The following LDB3 variants were observed in gnomAD, a reference collection of about 807,000 sequenced individuals.
LDB3 encodes the protein LIM domain-binding protein 3.
LDB3 carries 49 observed loss-of-function variants against 69.0 expected under a neutral mutation model. The observed-to-expected ratio is 0.71, with a 90% confidence interval of 0.56 to 0.90. LDB3 has a LOEUF of 0.90. Ranked by LOEUF, LDB3 falls within the 40% of genes least tolerant of loss-of-function variation. The pLI is 0.00. For synonymous variants in LDB3, 387 were observed against 396.2 expected (o/e 0.98, Z 0.28); for missense variants, 928 against 974.1 (o/e 0.95, Z 0.63).
chr10:86,711,912 C>G (rs1228906576), intron 9 of LDB3, among the ~76,000 whole-genome samples: 1 of 151,936 alleles, frequency 6.6e-6, no homozygotes, highest in Non-Finnish European at 1.5e-5. Flanking sequence ...ATCCCCGAGC[C>G]CGCCGAGTGC....
chr10:86,706,784 G>A (rs1230557504), intron 8 of LDB3, 65 bp downstream of exon 8: 1 of 1,519,462 alleles, frequency 6.6e-7, no homozygotes, highest in Admixed American at 2.0e-5. Context: ...CCCACTCTGG[G>A]TCTACCTGTG....
At chr10:86,670,270 A>G (rs1415606824) in intron 2 of LDB3, among the ~76,000 whole-genome samples, 1 of 152,066 alleles carries the variant, frequency 6.6e-6, no homozygotes, top group African/African-American at 2.4e-5. Flanking sequence ...CTGGGCACCC[A>G]CAGCCTTGCA....
intron 12 of LDB3, among the ~76,000 whole-genome samples, chr10:86,721,052 C>T (rs1171056528): frequency 1.3e-5 from 2 of 152,218 alleles, no homozygotes; most frequent in African/African-American, 4.8e-5. Flanking sequence ...TCAAGCAATC[C>T]TCCTGCCTTG....
At chr10:86,675,992 C>T (rs1043058851) in intron 2 of LDB3, among the ~76,000 whole-genome samples, 1 of 152,210 alleles carries the variant, frequency 6.6e-6, no homozygotes, top group African/African-American at 2.4e-5. Context: ...TTGGTTTTTA[C>T]ACTTTGTTCA....
rs751962580 is a variant in LDB3 at position 86,699,312 on chromosome 10, T to A, written c.896+6741T>A. Reference sequence around the variant, plus strand: ...TGAAACGGAACGTAACAGCCCACGTTTTGCCAAATTGCGCAACTGGCACCA... The same window carrying A: ...TGAAACGGAACGTAACAGCCCACGTATTGCCAAATTGCGCAACTGGCACCA... On this transcript the variant is annotated intron_variant, in intron 7 of 13. Transcript: ENST00000361373. This position sits in a 1 kb window ranked among gnomAD's most constrained non-coding sequence, Gnocchi z 4.9. 6.2e-7 allele frequency: 1 copy of A among 1,613,816 alleles called. No individual in the cohort carries two copies. The highest frequency in any genetic ancestry group is 2.2e-5 in the East Asian group (1 of 44,856).
At chr10:86,691,606 G>A (rs986803994) in intron 5 of LDB3, among the ~76,000 whole-genome samples, 6 of 152,202 alleles carry the variant, frequency 3.9e-5, no homozygotes, top group African/African-American at 1.2e-4. Context: ...GGGAATCTAG[G>A]GGTGGAAATG....
At chr10:86,722,442 G>A (rs1348926953) in intron 12 of LDB3, among the ~76,000 whole-genome samples, 4 of 151,544 alleles carry the variant, frequency 2.6e-5, no homozygotes, top group Admixed American at 6.6e-5. Context: ...TTGTATTTTT[G>A]GTAGAGACAG....
rs1846141983 is a variant in LDB3 at position 86,699,178 on chromosome 10, A to G, written c.896+6607A>G. ...CACCTGTTAGACAGGGGAATGGTGAACACATTCCCTAACCCCTTTCATTCT... is the reference window on the plus strand; with the variant it reads ...CACCTGTTAGACAGGGGAATGGTGAGCACATTCCCTAACCCCTTTCATTCT... On this transcript the variant is annotated intron_variant, in intron 7 of 13. Coordinates refer to ENST00000361373, the MANE Select transcript of LDB3 (RefSeq NM_007078.3). The surrounding 1 kb of genome is among the most constrained non-coding windows in gnomAD (Gnocchi z 4.9). 1.4e-6 allele frequency: 2 copies of G among 1,404,554 alleles called. No individual in the cohort carries two copies. Among genetic ancestry groups the G allele is most frequent in the Non-Finnish European group, 2.0e-6 (2 of 996,882 alleles). The allele number at this position is 1,404,554 out of a possible 1,614,324, so 87.0% of individuals were successfully genotyped here. A position where few individuals can be genotyped will look rare whatever the true frequency, so the allele number is the denominator to read the frequency against.
At chr10:86,687,160 A>C in intron 5 of LDB3, 1 of 1,614,216 alleles carries the variant, frequency 6.2e-7, no homozygotes, top group Middle Eastern at 1.6e-4. Context: ...GCTGGGCGGC[A>C]AGGCCACCAT....
chr10:86,729,054 C>G (rs766213779), intron 13 of LDB3, among the ~76,000 whole-genome samples: 6 of 152,006 alleles, frequency 3.9e-5, no homozygotes, highest in Non-Finnish European at 7.4e-5. Flanking sequence ...TCTGGGGTAG[C>G]TCTCCCAGCT....
chr10:86,684,969 G>A (rs769064112), intron 5 of LDB3, among the ~76,000 whole-genome samples: 3 of 152,166 alleles, frequency 2.0e-5, no homozygotes, highest in Non-Finnish European at 2.9e-5. Context: ...GTGCTGCCTC[G>A]GCTGTTGAGC....
chr10:86,692,669 G>T (rs1845823108), intron 7 of LDB3, 98 bp downstream of exon 7: 2 of 1,116,996 alleles, frequency 1.8e-6, no homozygotes, highest in African/African-American at 3.1e-5. Context: ...GACCTCTCAA[G>T]TTCATGGATT....
chr10:86,700,125 G>A, intron 7 of LDB3: 3 of 920,620 alleles, frequency 3.3e-6, no homozygotes, highest in South Asian at 1.0e-4. Context: ...GGGACAGAGA[G>A]AGGACAGGCA....
At chr10:86,722,649 C>T (rs1162996519) in intron 12 of LDB3, among the ~76,000 whole-genome samples, 2 of 138,404 alleles carry the variant, frequency 1.4e-5, no homozygotes, top group East Asian at 4.9e-4. Flanking sequence ...CTCACTGCAA[C>T]CTCCGCCTTC....
At chr10:86,719,812 A>AATT (rs1847012402) in intron 12 of LDB3, among the ~76,000 whole-genome samples, 1 of 152,228 alleles carries the variant, frequency 6.6e-6, no homozygotes, top group Non-Finnish European at 1.5e-5. Flanking sequence ...AATTATTGTA[A>AATT]ATTCAAGAGA....
chr10:86,714,553 C>CTTTT (rs11306108), intron 9 of LDB3, among the ~76,000 whole-genome samples: 1 of 124,164 alleles, frequency 8.1e-6, no homozygotes, highest in South Asian at 2.7e-4. Context: ...AAGGTATTAT[C>CTTTT]TTTTTTTTTT....
chr10:86,678,499 A>T (rs1290087973), intron 2 of LDB3, among the ~76,000 whole-genome samples: 1 of 151,094 alleles, frequency 6.6e-6, no homozygotes, highest in African/African-American at 2.4e-5. Context: ...ACCACCAGGC[A>T]TGGCTAATTT....
intron 7 of LDB3, among the ~76,000 whole-genome samples, chr10:86,698,883 C>T (rs1421101806): frequency 6.6e-6 from 1 of 152,128 alleles, no homozygotes; most frequent in Non-Finnish European, 1.5e-5. Flanking sequence ...CTGTTTGGTT[C>T]AATCCTGAGA....
At chr10:86,684,829 T>TGGCCA (rs1845374715) in intron 5 of LDB3, among the ~76,000 whole-genome samples, 1 of 152,204 alleles carries the variant, frequency 6.6e-6, no homozygotes, top group African/African-American at 2.4e-5. Context: ...ACAGGGCTGC[T>TGGCCA]GGCCACAGGG....
Sources: allele counts gnomAD v4.1 joint callset (sites outside exome capture counted in the v4.1 genomes callset), GRCh38; gene constraint gnomAD v4.1.1; non-coding constraint Gnocchi (gnomAD v3.1); transcripts MANE v1.5; gene names NCBI Gene and HGNC (gene_info 2026-07-23, HGNC 2026-07-21).